RARB: variants seen among roughly 807,000 people sequenced by gnomAD.
RARB encodes HBV-activated protein.
In RARB, 17 loss-of-function variants were observed where a neutral mutation model predicts 51.9. The ratio of observed to expected loss-of-function variants is 0.33; its 90% CI spans 0.22 to 0.49. RARB has a LOEUF of 0.49. RARB is among the 20% of genes least tolerant of loss of function. The pLI is 0.99. For synonymous variants in RARB, 215 were observed against 195.4 expected, an observed-to-expected ratio of 1.10 and a Z score of -0.84; for missense variants, 369 against 550.8, an observed-to-expected ratio of 0.67 and a Z score of 3.30.
intron 4 of RARB, among the ~76,000 whole-genome samples, chr3:25,578,401 G>A (rs141814538): frequency 0.011 from 1,684 of 152,350 alleles, 14 homozygotes; most frequent in Middle Eastern, 0.048. Flanking sequence ...CTCTCTCTCA[G>A]CCCTGGCGCG....
intron 2 of RARB, among the ~76,000 whole-genome samples, chr3:24,904,805 A>G (rs538144577): frequency 5.5e-4 from 83 of 152,226 alleles, no homozygotes; most frequent in Non-Finnish European, 8.4e-4. Context: ...AGTGTGGCAC[A>G]TATACACCAT....
At chr3:24,861,684 A>G (rs1702751192) in intron 2 of RARB, among the ~76,000 whole-genome samples, 1 of 151,628 alleles carries the variant, frequency 6.6e-6, no homozygotes, top group Non-Finnish European at 1.5e-5. Flanking sequence ...AGGTCTTTCT[A>G]GTGTCTGGCT....
At chr3:25,439,406 C>G (rs1708566564) in intron 1 of RARB, among the ~76,000 whole-genome samples, 1 of 152,086 alleles carries the variant, frequency 6.6e-6, no homozygotes, top group Non-Finnish European at 1.5e-5. Context: ...TCAAACATGT[C>G]TTATTTTTTA....
At chr3:25,010,634 A>G (rs1398098633) in intron 2 of RARB, among the ~76,000 whole-genome samples, 1 of 152,034 alleles carries the variant, frequency 6.6e-6, no homozygotes, top group African/African-American at 2.4e-5. Context: ...TCATTACCTC[A>G]TTTAACCCCC....
chr3:24,958,413 T>A (rs1696070185), intron 2 of RARB, among the ~76,000 whole-genome samples: 1 of 151,994 alleles, frequency 6.6e-6, no homozygotes, highest in East Asian at 1.9e-4. Context: ...AGTCATTTGG[T>A]TCCCAGACGT....
At chr3:25,254,466 T>TA (rs1243535250) in intron 5 of RARB, among the ~76,000 whole-genome samples, 1 of 152,190 alleles carries the variant, frequency 6.6e-6, no homozygotes, top group Non-Finnish European at 1.5e-5. Flanking sequence ...CTCTTGCTTT[T>TA]ACATAGCTGA....
chr3:25,565,441 CTAT>C (rs144655011), intron 3 of RARB, among the ~76,000 whole-genome samples: 10 of 151,826 alleles, frequency 6.6e-5, no homozygotes, highest in African/African-American at 1.9e-4. Flanking sequence ...TGCCAATATT[CTAT>C]TATTATTATT....
intron 2 of RARB, among the ~76,000 whole-genome samples, chr3:25,490,863 A>C (rs180856078): frequency 3.3e-5 from 5 of 152,338 alleles, no homozygotes; most frequent in Admixed American, 3.3e-4. Context: ...AGATGTCTTT[A>C]GTTGGTTCAA....
chr3:25,312,228 AAATT>A (rs1704308095), intron 5 of RARB, among the ~76,000 whole-genome samples: 1 of 152,194 alleles, frequency 6.6e-6, no homozygotes, highest in African/African-American at 2.4e-5. Context: ...ACTTTTCTGA[AAATT>A]AAGGTTATCA....
chr3:25,370,971 A>G (rs1034261625), intron 5 of RARB, among the ~76,000 whole-genome samples: 2 of 152,270 alleles, frequency 1.3e-5, no homozygotes, highest in South Asian at 2.1e-4. Flanking sequence ...CTGTCTTCAC[A>G]TGGCCCTCTT....
chr3:25,402,408 A>C (rs1015166740), intron 5 of RARB, among the ~76,000 whole-genome samples: 1 of 152,204 alleles, frequency 6.6e-6, no homozygotes, highest in Non-Finnish European at 1.5e-5. Context: ...TCCTCAAAAA[A>C]ACTAAAAATT....
intron 2 of RARB, among the ~76,000 whole-genome samples, chr3:25,483,232 T>G (rs1168883041): frequency 1.3e-5 from 2 of 152,246 alleles, no homozygotes; most frequent in Non-Finnish European, 2.9e-5. Context: ...GGGAATTGAC[T>G]TTCAAGGAAG....
At position 25,012,713 on chromosome 3, in the gene RARB, T is replaced by C. The variant is rs149685971; in HGVS notation, c.-379-47412T>C. ...AGTTAGCTGGAAAAATGAGACACCT[T>C]ATCTTATTTCAGTGGGAAAAGTAAT... is the stretch of plus-strand genomic sequence containing the variant. On this transcript the variant is annotated intron_variant, in intron 2 of 11. Transcript: ENST00000383772. 1.6e-3 allele frequency among the ~76,000 whole-genome samples: 239 copies of C among 152,250 alleles called. 1 individual carries two copies. Among genetic ancestry groups the C allele is most frequent in the Middle Eastern group, 3.4e-3 (1 of 294 alleles).
chr3:24,920,889 G>C (rs1283247132), intron 2 of RARB, among the ~76,000 whole-genome samples: 2 of 152,164 alleles, frequency 1.3e-5, no homozygotes, highest in Admixed American at 1.3e-4. Context: ...CTACATAATT[G>C]ATATGATTTG....
intron 4 of RARB, among the ~76,000 whole-genome samples, chr3:25,137,853 C>G (rs112615007): frequency 1.3e-5 from 2 of 152,046 alleles, no homozygotes; most frequent in African/African-American, 2.4e-5. Context: ...GACTGAGAGG[C>G]GAAACTACTT....
chr3:24,860,242 C>G (rs999324088), intron 2 of RARB, among the ~76,000 whole-genome samples: 4 of 152,162 alleles, frequency 2.6e-5, no homozygotes, highest in African/African-American at 9.7e-5. Flanking sequence ...CCTGGCGCAT[C>G]TTGGGTGTTG....
intron 5 of RARB, among the ~76,000 whole-genome samples, chr3:25,335,261 TATGTCTCTCA>T (rs1705030606): frequency 6.8e-6 from 1 of 146,026 alleles, no homozygotes; most frequent in Admixed American, 6.7e-5. Flanking sequence ...ATCACTCTCT[TATGTCTCTCA>T]TGATGACACA....
chr3:24,916,474 A>G (rs776304367), intron 2 of RARB, among the ~76,000 whole-genome samples: 1 of 152,166 alleles, frequency 6.6e-6, no homozygotes, highest in African/African-American at 2.4e-5. Context: ...TGTTAGCAGA[A>G]TGAAAGCCCG....
intron 3 of RARB, among the ~76,000 whole-genome samples, chr3:25,543,660 G>A (rs1193173022): frequency 2.0e-5 from 3 of 152,148 alleles, no homozygotes; most frequent in Admixed American, 2.0e-4. Flanking sequence ...ATGGACGATG[G>A]CAATGTTCCT....
Sources: gnomAD v4.1 joint callset for allele counts (sites outside exome capture counted in the v4.1 genomes callset) on GRCh38, gnomAD v4.1.1 for gene constraint, MANE v1.5 for transcripts, NCBI Gene and HGNC (gene_info 2026-07-23, HGNC 2026-07-21) for gene names.